The following GBE1 variants were observed in gnomAD, a reference collection of about 807,000 sequenced individuals.
GBE1 encodes 1,4-alpha-glucan branching enzyme 1, also known as 1,4-alpha-glucan-branching enzyme.
GBE1 carries 70 observed loss-of-function variants against 88.8 expected under a neutral mutation model. The observed-to-expected ratio is 0.79, with a 90% confidence interval of 0.65 to 0.96. The LOEUF is 0.96. Among genes scored for constraint, GBE1 ranks in the 40% least tolerant of loss-of-function variants. The pLI is 0.00. For missense variants in GBE1, 872 were observed against 871.0 expected, an observed-to-expected ratio of 1.00 and a Z score of -0.01; for synonymous variants, 284 against 300.1, an observed-to-expected ratio of 0.95 and a Z score of 0.56.
chr3:81,675,103 G>T (rs940320198), intron 2 of GBE1, among the ~76,000 whole-genome samples: 1 of 151,954 alleles, frequency 6.6e-6, no homozygotes, highest in Non-Finnish European at 1.5e-5. Flanking sequence ...TGATGTTGAT[G>T]CCAGTGGCCT....
At chr3:81,527,867 G>A (rs970152399) in intron 14 of GBE1, among the ~76,000 whole-genome samples, 4 of 152,088 alleles carry the variant, frequency 2.6e-5, no homozygotes, top group African/African-American at 9.6e-5. Flanking sequence ...CCATTACTGG[G>A]TATATACCCA....
At chr3:81,761,022 A>G (rs543911007) in intron 1 of GBE1, among the ~76,000 whole-genome samples, 2 of 152,360 alleles carry the variant, frequency 1.3e-5, no homozygotes, top group South Asian at 2.1e-4. Context: ...GTGGGTGCCA[A>G]AGTCAGAAAA....
intron 7 of GBE1, among the ~76,000 whole-genome samples, chr3:81,605,107 C>A (rs1704086725): frequency 6.6e-6 from 1 of 151,884 alleles, no homozygotes; most frequent in Admixed American, 6.6e-5. Flanking sequence ...TGAAAATTTC[C>A]CCAAATGTAA....
At chr3:81,728,601 A>G (rs1163869853) in intron 1 of GBE1, among the ~76,000 whole-genome samples, 1 of 152,176 alleles carries the variant, frequency 6.6e-6, no homozygotes, top group East Asian at 1.9e-4. Context: ...AATGGATTAT[A>G]CAACAAAAAT....
intron 1 of GBE1, among the ~76,000 whole-genome samples, chr3:81,740,939 G>A (rs573949354): frequency 1.1e-4 from 16 of 152,100 alleles, no homozygotes; most frequent in Admixed American, 2.6e-4. Context: ...ATACACACCC[G>A]TACAGAAAAT....
chr3:81,721,234 A>T lies in GBE1; in HGVS notation c.144-15621T>A, dbSNP rs1207222473. On this transcript the variant is annotated intron_variant, in intron 1 of 15. Coordinates refer to ENST00000429644, the MANE Select transcript of GBE1 (RefSeq NM_000158.4). ...AAATAAATAAATAAATAAATAAATAAAAACACATGAAAAAAAAAAAAAAGA... is the reference window on the plus strand; with the variant it reads ...AAATAAATAAATAAATAAATAAATATAAACACATGAAAAAAAAAAAAAAGA... Among the ~76,000 whole-genome samples the T allele has an allele frequency of 8.2e-4, 84 of 102,798 alleles. 1 individual carries two copies. The highest frequency in any genetic ancestry group is 1.3e-3 in the Non-Finnish European group (73 of 54,122). The allele number at this position is 102,798 out of a possible 152,430, so 67.4% of individuals were successfully genotyped here.
intron 5 of GBE1, among the ~76,000 whole-genome samples, chr3:81,648,066 T>G (rs955590004): frequency 6.6e-6 from 1 of 152,090 alleles, no homozygotes; most frequent in Non-Finnish European, 1.5e-5. Context: ...TAATTTTGGT[T>G]TCTGGAACCT....
At chr3:81,564,668 A>C (rs1358366770) in intron 12 of GBE1, among the ~76,000 whole-genome samples, 2 of 152,130 alleles carry the variant, frequency 1.3e-5, no homozygotes, top group Non-Finnish European at 2.9e-5. Flanking sequence ...GTCATCAGGA[A>C]GGATCTGAGG....
intron 9 of GBE1, among the ~76,000 whole-genome samples, chr3:81,589,789 A>G (rs988739361): frequency 6.6e-6 from 1 of 152,060 alleles, no homozygotes; most frequent in Non-Finnish European, 1.5e-5. Flanking sequence ...AATATCATTG[A>G]CAAAATAATT....
At chr3:81,674,724 T>C (rs1014263458) in intron 2 of GBE1, among the ~76,000 whole-genome samples, 1 of 151,892 alleles carries the variant, frequency 6.6e-6, no homozygotes, top group Non-Finnish European at 1.5e-5. Flanking sequence ...TCAGAGCCTA[T>C]CTAAAGACAT....
intron 12 of GBE1, among the ~76,000 whole-genome samples, chr3:81,547,654 TCTCTCTCTC>T (rs1703225109): frequency 2.0e-5 from 3 of 150,368 alleles, no homozygotes; most frequent in African/African-American, 7.3e-5. Flanking sequence ...TCTCTCTCTC[TCTCTCTCTC>T]TCTCTTTCTC....
At chr3:81,603,195 C>T (rs1053789260) in intron 7 of GBE1, among the ~76,000 whole-genome samples, 3 of 151,972 alleles carry the variant, frequency 2.0e-5, no homozygotes, top group Admixed American at 1.3e-4. Context: ...TCAAGCAATC[C>T]TAGGAATTGC....
chr3:81,494,664 T>C (rs924996504), intron 15 of GBE1, among the ~76,000 whole-genome samples: 7 of 152,014 alleles, frequency 4.6e-5, no homozygotes, highest in African/African-American at 1.7e-4. Flanking sequence ...CAGCCATGAG[T>C]TTCATTTTTT....
intron 11 of GBE1, among the ~76,000 whole-genome samples, chr3:81,580,501 C>G (rs1203388220): frequency 6.6e-6 from 1 of 151,982 alleles, no homozygotes; most frequent in Non-Finnish European, 1.5e-5. Context: ...AAAAGCTGAC[C>G]TATTTGGAAT....
chr3:81,514,565 C>T (rs1702769400), intron 14 of GBE1, among the ~76,000 whole-genome samples: 1 of 151,400 alleles, frequency 6.6e-6, no homozygotes, highest in African/African-American at 2.4e-5. Flanking sequence ...CAACTGAATC[C>T]ACTGCTTCCA....
At chr3:81,631,918 C>A (rs2107036796) in intron 7 of GBE1, among the ~76,000 whole-genome samples, 1 of 152,172 alleles carries the variant, frequency 6.6e-6, no homozygotes, top group South Asian at 2.1e-4. Flanking sequence ...TCCAACCTGT[C>A]ATCTACATTA....
intron 7 of GBE1, among the ~76,000 whole-genome samples, chr3:81,599,568 G>A (rs990378215): frequency 1.3e-5 from 2 of 152,140 alleles, no homozygotes; most frequent in African/African-American, 2.4e-5. Flanking sequence ...GGAGGCAATT[G>A]TAATGCAAGG....
intron 1 of GBE1, among the ~76,000 whole-genome samples, chr3:81,708,296 A>G (rs928915942): frequency 6.6e-6 from 1 of 152,080 alleles, no homozygotes; most frequent in African/African-American, 2.4e-5. Flanking sequence ...TAAGTTTGTC[A>G]TAAAAAAGTA....
At chr3:81,559,201 C>T (rs1402802244) in intron 12 of GBE1, among the ~76,000 whole-genome samples, 1 of 151,952 alleles carries the variant, frequency 6.6e-6, no homozygotes, top group East Asian at 1.9e-4. Context: ...CAAAGTAGAA[C>T]ATTTAGTAAA....
Sources: allele counts gnomAD v4.1 joint callset (sites outside exome capture counted in the v4.1 genomes callset), GRCh38; gene constraint gnomAD v4.1.1; transcripts MANE v1.5; gene names NCBI Gene and HGNC (gene_info 2026-07-23, HGNC 2026-07-21).